POU6F2: variants seen among roughly 807,000 people sequenced by gnomAD.
The protein encoded by POU6F2 is POU class 6 homeobox 2.
Under a neutral mutation model 71.3 loss-of-function variants are expected in POU6F2, and 31 were observed. The observed-to-expected ratio is 0.43, with a 90% CI of 0.33 to 0.59. The LOEUF (loss-of-function observed/expected upper bound fraction) is 0.59. Ranked by LOEUF, POU6F2 falls within the 20% of genes least tolerant of loss-of-function variation. POU6F2 has a pLI of 0.04. For synonymous variants in POU6F2, 347 were observed against 355.7 expected, an observed-to-expected ratio of 0.98 and a Z score of 0.27; for missense variants, 783 against 856.8, an observed-to-expected ratio of 0.91 and a Z score of 1.07.
Position 39,467,653 on chromosome 7 carries a change from A to G in POU6F2, c.*2967A>G, listed in dbSNP as rs1490327033. On this transcript the variant is annotated 3_prime_UTR_variant, in exon 10 of 10. Coordinates refer to ENST00000518318, the MANE Select transcript of POU6F2 (RefSeq NM_001370959.1). The stretch of plus-strand genomic sequence containing the variant: ...CCAAGAAAATATTTTGAACAATTGA[A>G]ACTTTTAATTGCATTTGCAAGGTTT... 1 of 152,224 alleles carries G rather than the reference A, an allele frequency of 6.6e-6. No homozygotes were observed. Among genetic ancestry groups the G allele is most frequent in the Non-Finnish European group, 1.5e-5 (1 of 68,042 alleles). 9.4% of individuals were successfully genotyped at this position (152,224 alleles called of 1,614,324 possible).
chr7:39,215,001 T>G (rs1025907015), intron 4 of POU6F2, among the ~76,000 whole-genome samples: 1 of 152,236 alleles, frequency 6.6e-6, no homozygotes, highest in Non-Finnish European at 1.5e-5. Flanking sequence ...TTGCATTTAC[T>G]TACTTATGCC....
chr7:39,017,221 ATTC>A (rs1254911410), intron 1 of POU6F2, among the ~76,000 whole-genome samples: 9 of 152,118 alleles, frequency 5.9e-5, no homozygotes, highest in African/African-American at 1.9e-4. Flanking sequence ...TCATTTACTT[ATTC>A]TTCTTGACTT....
At chr7:39,164,268 G>A (rs563017402) in intron 2 of POU6F2, among the ~76,000 whole-genome samples, 86 of 150,066 alleles carry the variant, frequency 5.7e-4, no homozygotes, top group South Asian at 3.8e-3. Flanking sequence ...TTAAACCATC[G>A]ATTTTTTTTT....
intron 5 of POU6F2, among the ~76,000 whole-genome samples, chr7:39,370,921 A>C (rs1407274172): frequency 1.3e-5 from 2 of 152,194 alleles, no homozygotes; most frequent in African/African-American, 4.8e-5. Flanking sequence ...TCCTTAAAAT[A>C]AATACATCTC....
chr7:39,150,261 A>G (rs1304896452), intron 2 of POU6F2, among the ~76,000 whole-genome samples: 3 of 34,300 alleles, frequency 8.7e-5, no homozygotes, highest in Admixed American at 2.7e-4. Context: ...GTGTGTGTGT[A>G]GCATCTAGGT....
At chr7:39,323,529 G>A (rs537209525) in intron 4 of POU6F2, among the ~76,000 whole-genome samples, 1 of 152,284 alleles carries the variant, frequency 6.6e-6, no homozygotes, top group Admixed American at 6.5e-5. Context: ...CTCTGGACTA[G>A]AAGTGAGGTT....
chr7:39,085,789 G>A, intron 1 of POU6F2, 71 bp from the exon 2 acceptor site: 1 of 1,455,780 alleles, frequency 6.9e-7, no homozygotes. Context: ...GAGGGAGAGG[G>A]AGAGAGAGGA....
At chr7:39,341,156 A>G (rs1785909601) in intron 5 of POU6F2, among the ~76,000 whole-genome samples, 1 of 152,218 alleles carries the variant, frequency 6.6e-6, no homozygotes, top group Non-Finnish European at 1.5e-5. Flanking sequence ...ACGGACAGAA[A>G]GGCAGGTGGA....
intron 4 of POU6F2, among the ~76,000 whole-genome samples, chr7:39,293,471 C>T (rs1013495295): frequency 1.3e-5 from 2 of 152,098 alleles, no homozygotes; most frequent in Non-Finnish European, 2.9e-5. Context: ...CGTTACTCCC[C>T]TTGAATTTAT....
Position 39,347,903 on chromosome 7 carries a change from A to G in POU6F2, c.972+7888A>G, listed in dbSNP as rs1413586559. On this transcript the variant is annotated intron_variant, in intron 5 of 9. Transcript: ENST00000518318. Reference sequence around the variant, plus strand: ...TGCCTCAGCCTTCCAAAGTGCTGGGATTATAGGTGTCAGCCACTGTGCCCA... The same window carrying G: ...TGCCTCAGCCTTCCAAAGTGCTGGGGTTATAGGTGTCAGCCACTGTGCCCA... 1.4e-5 allele frequency among the ~76,000 whole-genome samples: 2 copies of G among 143,640 alleles called. 1 individual carries two copies. Among genetic ancestry groups the G allele is most frequent in the African/African-American group, 5.0e-5 (2 of 40,156 alleles). The allele number at this position is 143,640 out of a possible 152,430, so 94.2% of individuals were successfully genotyped here.
At chr7:39,438,220 G>T (rs1788298187) in intron 7 of POU6F2, among the ~76,000 whole-genome samples, 1 of 151,960 alleles carries the variant, frequency 6.6e-6, no homozygotes, top group Non-Finnish European at 1.5e-5. Flanking sequence ...CCTTGTGATA[G>T]TTTGCTGAGA....
At chr7:39,150,454 C>G (rs1211724392) in intron 2 of POU6F2, among the ~76,000 whole-genome samples, 1 of 147,986 alleles carries the variant, frequency 6.8e-6, no homozygotes, top group Non-Finnish European at 1.5e-5. Context: ...ACAGCTGTAC[C>G]AAGCTACATT....
intron 1 of POU6F2, among the ~76,000 whole-genome samples, chr7:39,009,526 C>T (rs1789198755): frequency 6.6e-6 from 1 of 152,138 alleles, no homozygotes; most frequent in Admixed American, 6.5e-5. Flanking sequence ...CCTTCTCCTG[C>T]CTAATTGCCC....
intron 2 of POU6F2, among the ~76,000 whole-genome samples, chr7:39,179,643 T>C (rs1367278543): frequency 6.6e-6 from 1 of 152,244 alleles, no homozygotes; most frequent in African/African-American, 2.4e-5. Flanking sequence ...TGGGGTGGTC[T>C]GAGGCTCTGC....
At chr7:39,333,870 C>T (rs1445162349) in intron 4 of POU6F2, among the ~76,000 whole-genome samples, 4 of 152,274 alleles carry the variant, frequency 2.6e-5, no homozygotes, top group South Asian at 2.1e-4. Flanking sequence ...TGCTAGGAGC[C>T]CCAAGGGTAA....
intron 1 of POU6F2, among the ~76,000 whole-genome samples, chr7:39,004,069 A>G (rs1333587854): frequency 2.6e-5 from 4 of 152,196 alleles, no homozygotes; most frequent in African/African-American, 9.7e-5. Flanking sequence ...TTTTTCAAAG[A>G]ATCAGAATAA....
At chr7:39,135,622 C>G (rs1792374363) in intron 2 of POU6F2, among the ~76,000 whole-genome samples, 1 of 151,884 alleles carries the variant, frequency 6.6e-6, no homozygotes, top group South Asian at 2.1e-4. Context: ...TAAAAAACCT[C>G]TTGGAACACT....
At chr7:39,222,017 A>G (rs1048320244) in intron 4 of POU6F2, among the ~76,000 whole-genome samples, 2 of 152,186 alleles carry the variant, frequency 1.3e-5, no homozygotes, top group African/African-American at 2.4e-5. Flanking sequence ...CTCATTTGCA[A>G]TCTCTGTTAG....
intron 3 of POU6F2, among the ~76,000 whole-genome samples, chr7:39,205,663 G>A (rs1310455708): frequency 6.6e-6 from 1 of 152,176 alleles, no homozygotes; most frequent in Non-Finnish European, 1.5e-5. Flanking sequence ...TTGCTCATTA[G>A]AATAACTGTA....
Sources: gnomAD v4.1 joint callset for allele counts (sites outside exome capture counted in the v4.1 genomes callset) on GRCh38, gnomAD v4.1.1 for gene constraint, MANE v1.5 for transcripts, NCBI Gene and HGNC (gene_info 2026-07-23, HGNC 2026-07-21) for gene names.